Variants in GRIA1 observed in about 807,000 individuals in gnomAD.
GRIA1 encodes glutamate receptor 1.
GRIA1 carries 31 observed loss-of-function variants against 99.2 expected under a neutral mutation model. That is an observed-to-expected ratio of 0.31 (90% CI 0.23 to 0.42). The LOEUF is 0.42. Among genes scored for constraint, GRIA1 ranks in the 10% least tolerant of loss-of-function variants. The pLI, the probability that GRIA1 is intolerant of heterozygous loss-of-function variation, is 1.00. For missense variants in GRIA1, 782 were observed against 1,157.5 expected, an observed-to-expected ratio of 0.68 and a Z score of 4.71; for synonymous variants, 438 against 432.4, an observed-to-expected ratio of 1.01 and a Z score of -0.16.
intron 13 of GRIA1, among the ~76,000 whole-genome samples, chr5:153,777,851 TGCA>T (rs1764362697): frequency 6.6e-6 from 1 of 152,180 alleles, no homozygotes; most frequent in Non-Finnish European, 1.5e-5. Flanking sequence ...ATAGTACTGG[TGCA>T]GAGCCTGCTG....
At chr5:153,606,563 T>C (rs1014409943) in intron 2 of GRIA1, among the ~76,000 whole-genome samples, 10 of 151,776 alleles carry the variant, frequency 6.6e-5, no homozygotes, top group African/African-American at 2.4e-4. Flanking sequence ...AGATCTTCTT[T>C]TATTTTTTTC....
At chr5:153,580,078 G>A (rs960839844) in intron 2 of GRIA1, among the ~76,000 whole-genome samples, 1 of 152,184 alleles carries the variant, frequency 6.6e-6, no homozygotes, top group Non-Finnish European at 1.5e-5. Flanking sequence ...AACTGCTCAA[G>A]CACCTACTGA....
At chr5:153,695,253 G>A (rs770297171) in intron 8 of GRIA1, among the ~76,000 whole-genome samples, 10 of 152,136 alleles carry the variant, frequency 6.6e-5, no homozygotes, top group Admixed American at 2.0e-4. Flanking sequence ...TGTTATAAAA[G>A]TACTGTGGAG....
intron 2 of GRIA1, among the ~76,000 whole-genome samples, chr5:153,512,405 C>T (rs1756181565): frequency 6.6e-6 from 1 of 152,218 alleles, no homozygotes; most frequent in Non-Finnish European, 1.5e-5. Context: ...GAAGGAAAAA[C>T]TTAGACTTGG....
At chr5:153,663,816 T>C (rs1755549401) in intron 5 of GRIA1, among the ~76,000 whole-genome samples, 1 of 152,238 alleles carries the variant, frequency 6.6e-6, no homozygotes, top group African/African-American at 2.4e-5. Flanking sequence ...ATATCTCTCA[T>C]AGCCACACTG....
Position 153,811,628 on chromosome 5 carries a change from G to T in GRIA1, c.*403G>T. The T allele has an allele frequency of 6.0e-6, 1 of 165,914 alleles. No individual in the cohort carries two copies. The highest frequency in any genetic ancestry group is 1.3e-5 in the Non-Finnish European group (1 of 75,702). 10.3% of individuals were successfully genotyped at this position (165,914 alleles called of 1,614,324 possible). A position where few individuals can be genotyped will look rare whatever the true frequency, so the allele number is the denominator to read the frequency against. On this transcript the variant is annotated 3_prime_UTR_variant, in exon 16 of 16. Transcript: ENST00000285900. ...TTCTTACTAATATCCATGGTTTGCA[G>T]GTTCTGTTAGGCCCTTTCCTTCTCC... is the stretch of plus-strand genomic sequence containing the variant.
intron 5 of GRIA1, among the ~76,000 whole-genome samples, chr5:153,659,487 G>T (rs1755203661): frequency 6.6e-6 from 1 of 152,138 alleles, no homozygotes; most frequent in Non-Finnish European, 1.5e-5. Flanking sequence ...TTCACTCCCT[G>T]CTCTGAGACT....
At chr5:153,643,089 C>A (rs1056700667) in intron 2 of GRIA1, among the ~76,000 whole-genome samples, 1 of 152,132 alleles carries the variant, frequency 6.6e-6, no homozygotes. Context: ...GATTTTGTTA[C>A]AAGGGAATCC....
At chr5:153,742,683 G>A (rs563560024) in intron 11 of GRIA1, among the ~76,000 whole-genome samples, 45 of 152,228 alleles carry the variant, frequency 3.0e-4, no homozygotes, top group African/African-American at 9.9e-4. Flanking sequence ...CTTAGTCTTC[G>A]ACTTGTGGCC....
At chr5:153,648,078 A>C (rs1754290099) in intron 3 of GRIA1, among the ~76,000 whole-genome samples, 1 of 152,210 alleles carries the variant, frequency 6.6e-6, no homozygotes, top group South Asian at 2.1e-4. Context: ...GAGACAGAGG[A>C]GTACAGTACT....
upstream of GRIA1, chr5:153,489,890 T>A: frequency 4.4e-6 from 2 of 454,982 alleles, no homozygotes; most frequent in Non-Finnish European, 8.8e-6. Flanking sequence ...TGCTATAGAC[T>A]CCTGTGGAAT....
chr5:153,795,177 T>G (rs1581669571), intron 14 of GRIA1, among the ~76,000 whole-genome samples: 1 of 151,558 alleles, frequency 6.6e-6, no homozygotes, highest in Non-Finnish European at 1.5e-5. Flanking sequence ...ACAGGGAGGG[T>G]CCCCAGGCAC....
At chr5:153,621,976 T>C (rs1051013762) in intron 2 of GRIA1, among the ~76,000 whole-genome samples, 2 of 152,204 alleles carry the variant, frequency 1.3e-5, no homozygotes, top group African/African-American at 4.8e-5. Flanking sequence ...ATCATCACCA[T>C]TCTAGGAGCT....
intron 2 of GRIA1, among the ~76,000 whole-genome samples, chr5:153,641,659 C>T (rs1219953196): frequency 6.6e-6 from 1 of 152,176 alleles, no homozygotes; most frequent in Admixed American, 6.5e-5. Flanking sequence ...TTTGCTGTTG[C>T]TCTTCCTTCT....
chr5:153,568,001 T>C (rs1475944916), intron 2 of GRIA1, among the ~76,000 whole-genome samples: 1 of 152,210 alleles, frequency 6.6e-6, no homozygotes, highest in Non-Finnish European at 1.5e-5. Flanking sequence ...TGGGGTTTTG[T>C]CCCACTTTAT....
At chr5:153,717,055 C>A (rs931142808) in intron 11 of GRIA1, among the ~76,000 whole-genome samples, 2 of 152,076 alleles carry the variant, frequency 1.3e-5, no homozygotes, top group Non-Finnish European at 2.9e-5. Flanking sequence ...TGTGCTACGA[C>A]CTAGAGATCT....
chr5:153,808,122 CTCT>C (rs1766563455), intron 15 of GRIA1, among the ~76,000 whole-genome samples: 1 of 152,198 alleles, frequency 6.6e-6, no homozygotes, highest in Admixed American at 6.5e-5. Flanking sequence ...GCTGAGCACT[CTCT>C]TCTTAGAAAA....
chr5:153,798,083 G>T (rs1201291898), intron 14 of GRIA1, among the ~76,000 whole-genome samples: 1 of 152,110 alleles, frequency 6.6e-6, no homozygotes, highest in African/African-American at 2.4e-5. Flanking sequence ...TTCCTTACAT[G>T]ACCTTGTCAT....
At chr5:153,508,605 A>G (rs1028211453) in intron 2 of GRIA1, among the ~76,000 whole-genome samples, 9 of 152,200 alleles carry the variant, frequency 5.9e-5, no homozygotes, top group African/African-American at 2.2e-4. Context: ...AATGCAATAA[A>G]ATCACTAATG....
Sources: allele counts gnomAD v4.1 joint callset (sites outside exome capture counted in the v4.1 genomes callset), GRCh38; gene constraint gnomAD v4.1.1; transcripts MANE v1.5; gene names NCBI Gene and HGNC (gene_info 2026-07-23, HGNC 2026-07-21).